MYZAP: variants seen among roughly 807,000 people sequenced by gnomAD.
MYZAP encodes GRINL1A complex locus upstream.
MYZAP carries 66 observed loss-of-function variants against 69.4 expected under a neutral mutation model. That is an observed-to-expected ratio of 0.95 (90% confidence interval 0.78 to 1.17). MYZAP has a LOEUF of 1.17. MYZAP is among the 50% of genes most tolerant of loss of function. The probability of loss-of-function intolerance (pLI) is 0.00; values close to 1 mark genes in which losing one functional copy is unlikely to be tolerated. For missense variants in MYZAP, 611 were observed against 556.2 expected (o/e 1.10, Z -0.99); for synonymous variants, 256 against 205.9 (o/e 1.24, Z -2.09).
intron 11 of MYZAP, among the ~76,000 whole-genome samples, chr15:57,671,585 T>C (rs1450150206): frequency 6.6e-6 from 1 of 152,120 alleles, no homozygotes; most frequent in Non-Finnish European, 1.5e-5. Flanking sequence ...AGTCTTTTGT[T>C]TATCTACTTT....
rs536536718 is a variant in MYZAP, at chr15:57,684,607, G to A, written c.*109G>A. Reference sequence around the variant, plus strand: ...GTTTCCCCTACACACAGTGTAAGCCGGAATGGGAATCGCTGAGGCTCTGAT... The same window carrying A: ...GTTTCCCCTACACACAGTGTAAGCCAGAATGGGAATCGCTGAGGCTCTGAT... On this transcript the variant is annotated 3_prime_UTR_variant, in exon 13 of 13. Coordinates refer to ENST00000267853, the MANE Select transcript of MYZAP (RefSeq NM_001018100.5). The A allele has an allele frequency of 1.5e-4, 102 of 699,248 alleles. No homozygotes were observed. The highest frequency in any genetic ancestry group is 1.4e-3 in the Admixed American group (57 of 40,664). The allele number at this position is 699,248 out of a possible 1,614,324, so 43.3% of individuals were successfully genotyped here.
chr15:57,643,931 A>G (rs6493939), intron 10 of MYZAP, among the ~76,000 whole-genome samples: 93,081 of 151,990 alleles, frequency 0.61, 28,808 homozygotes, highest in East Asian at 0.9. Context: ...AAGCAATTAC[A>G]CTCTACCCCA....
chr15:57,616,506 C>G (rs1392538505), intron 2 of MYZAP, among the ~76,000 whole-genome samples: 1 of 152,066 alleles, frequency 6.6e-6, no homozygotes, highest in East Asian at 1.9e-4. Context: ...GGCGTGGTGG[C>G]GCGCTTCTAG....
rs1229340460 is a variant in MYZAP at position 57,625,896 on chromosome 15, C to G, written c.525+4C>G. On this transcript the variant is annotated splice_donor_region_variant and intron_variant, in intron 5 of 12. Transcript: ENST00000267853. ...ATCAGATTCCATTGGCCTGCAGGTA[C>G]TCATCTGCTTACTGCTATGACAGGG... is the stretch of plus-strand genomic sequence containing the variant. 2 of 1,612,786 alleles carry G rather than the reference C, an allele frequency of 1.2e-6. No individual in the cohort carries two copies. The highest frequency in any genetic ancestry group is 1.3e-5 in the African/African-American group (1 of 75,000).
At chr15:57,659,534 C>T (rs966993937) in intron 10 of MYZAP, among the ~76,000 whole-genome samples, 2 of 152,126 alleles carry the variant, frequency 1.3e-5, no homozygotes, top group Admixed American at 6.5e-5. Context: ...ATGATGATAC[C>T]ACAATATACA....
At chr15:57,681,837 GGT>G (rs1246534921) in intron 12 of MYZAP, among the ~76,000 whole-genome samples, 2 of 151,958 alleles carry the variant, frequency 1.3e-5, no homozygotes, top group Non-Finnish European at 2.9e-5. Flanking sequence ...TGATGTTCAA[GGT>G]GTATATGGGG....
chr15:57,644,192 C>T (rs2037322892), intron 10 of MYZAP, among the ~76,000 whole-genome samples: 2 of 152,204 alleles, frequency 1.3e-5, no homozygotes, highest in African/African-American at 4.8e-5. Flanking sequence ...GCCTGACTCT[C>T]CTTGCTGGGT....
intron 1 of MYZAP, among the ~76,000 whole-genome samples, chr15:57,593,188 G>GCATGCGCGCGCGCGCGCGCA: frequency 8.8e-6 from 1 of 114,200 alleles, no homozygotes; most frequent in East Asian, 2.7e-4. Context: ...GTACACAGGC[G>GCATGCGCGCGCGCGCGCGCA]CACACACACA....
intron 8 of MYZAP, among the ~76,000 whole-genome samples, chr15:57,634,597 G>C (rs57589057): frequency 0.035 from 5,405 of 152,306 alleles, 115 homozygotes; most frequent in Middle Eastern, 0.13. Flanking sequence ...CTGAGAAGAG[G>C]TCGCCTTAGC....
Position 57,647,657 on chromosome 15 carries a change from G to A in MYZAP, c.1119+8112G>A, listed in dbSNP as rs76039098. ...GAGGCCAGGCAGGCCTTATTCTGGA[G>A]CAGATAGTGAGTGAGGTTCCTAGAG... On this transcript the variant is annotated intron_variant, in intron 10 of 12. Transcript: ENST00000267853. 4.1e-3 allele frequency: 4,060 copies of A among 985,398 alleles called. 123 individuals are homozygous for A. The African/African-American group carries it at 0.062, about 15-fold the overall frequency. The allele number at this position is 985,398 out of a possible 1,614,324, so 61.0% of individuals were successfully genotyped here. A position where few individuals can be genotyped will look rare whatever the true frequency, so the allele number is the denominator to read the frequency against.
intron 1 of MYZAP, chr15:57,599,372 T>A: frequency 1.2e-4 from 81 of 675,126 alleles, no homozygotes; most frequent in Middle Eastern, 1.5e-3. Flanking sequence ...TTTTTTGCCA[T>A]CGTCGTACCC....
At chr15:57,624,184 A>T (rs894190772) in intron 4 of MYZAP, among the ~76,000 whole-genome samples, 42 of 152,212 alleles carry the variant, frequency 2.8e-4, no homozygotes, top group African/African-American at 9.4e-4. Flanking sequence ...GTAGACATTT[A>T]AAAAAATTTA....
At chr15:57,630,383 G>A (rs1247086201) in intron 6 of MYZAP, among the ~76,000 whole-genome samples, 2 of 152,172 alleles carry the variant, frequency 1.3e-5, no homozygotes, top group Non-Finnish European at 2.9e-5. Flanking sequence ...CTGAGAAGAC[G>A]CTTGGGATGC....
intron 12 of MYZAP, among the ~76,000 whole-genome samples, chr15:57,679,367 TGTGTGTGTTTC>T (rs2039310247): frequency 2.1e-4 from 9 of 42,190 alleles, no homozygotes; most frequent in Admixed American, 1.1e-3. Context: ...TGTGTGTGTG[TGTGTGTGTTTC>T]TCTCTCTCTC....
intron 1 of MYZAP, among the ~76,000 whole-genome samples, chr15:57,593,188 G>GCGCGCACA (rs1555454573): frequency 8.8e-6 from 1 of 114,152 alleles, no homozygotes; most frequent in African/African-American, 3.4e-5. Context: ...GTACACAGGC[G>GCGCGCACA]CACACACACA....
intron 8 of MYZAP, among the ~76,000 whole-genome samples, chr15:57,634,698 A>T (rs1469770672): frequency 1.2e-4 from 19 of 152,218 alleles, no homozygotes; most frequent in Admixed American, 8.5e-4. Flanking sequence ...AGTTCTGTGG[A>T]GCTTCAGAGC....
At chr15:57,679,340 T>G (rs1001192863) in intron 12 of MYZAP, among the ~76,000 whole-genome samples, 2 of 125,512 alleles carry the variant, frequency 1.6e-5, no homozygotes, top group Admixed American at 8.8e-5. Context: ...TTTCACCTCT[T>G]TGTGTGTGTG....
intron 4 of MYZAP, among the ~76,000 whole-genome samples, chr15:57,623,353 C>A (rs1426073713): frequency 6.6e-6 from 1 of 152,202 alleles, no homozygotes; most frequent in Admixed American, 6.5e-5. Context: ...TAGACTCTCA[C>A]ATATGAGGAA....
intron 4 of MYZAP, among the ~76,000 whole-genome samples, chr15:57,622,966 T>G (rs2035907754): frequency 6.6e-6 from 1 of 152,152 alleles, no homozygotes; most frequent in Non-Finnish European, 1.5e-5. Flanking sequence ...TTTCTGAATA[T>G]TGAAAGATCC....
Sources: allele counts gnomAD v4.1 joint callset (sites outside exome capture counted in the v4.1 genomes callset), GRCh38; gene constraint gnomAD v4.1.1; transcripts MANE v1.5; gene names NCBI Gene and HGNC (gene_info 2026-07-23, HGNC 2026-07-21).